PALLD: variants seen among roughly 807,000 people sequenced by gnomAD.
PALLD encodes palladin, cytoskeletal associated protein.
Under a neutral mutation model 123.5 loss-of-function variants are expected in PALLD, and 61 were observed. The ratio of observed to expected loss-of-function variants is 0.49; its 90% confidence interval spans 0.40 to 0.61. PALLD has a LOEUF of 0.61. PALLD is among the 20% of genes least tolerant of loss of function. PALLD has a pLI of 0.00. For missense variants in PALLD, 1,273 were observed against 1,377.0 expected (o/e 0.92, Z 1.20); for synonymous variants, 465 against 496.4 (o/e 0.94, Z 0.84).
chr4:168,601,005 A>C (rs1295635091), intron 2 of PALLD, among the ~76,000 whole-genome samples: 1 of 152,140 alleles, frequency 6.6e-6, no homozygotes, highest in Non-Finnish European at 1.5e-5. Flanking sequence ...TAATATTCTA[A>C]ATGATGCAAG....
chr4:168,728,248 C>T (rs1160635442), intron 10 of PALLD, among the ~76,000 whole-genome samples: 2 of 152,136 alleles, frequency 1.3e-5, no homozygotes, highest in East Asian at 1.9e-4. Flanking sequence ...TGAAGAATGA[C>T]ATTGGTACTT....
chr4:168,705,732 G>A (rs1366388100), intron 8 of PALLD, among the ~76,000 whole-genome samples: 1 of 152,108 alleles, frequency 6.6e-6, no homozygotes, highest in East Asian at 1.9e-4. Flanking sequence ...TGCCTCCCGG[G>A]TTCAAGCAAT....
At chr4:168,813,658 C>T (rs551442965) in intron 10 of PALLD, among the ~76,000 whole-genome samples, 1 of 152,276 alleles carries the variant, frequency 6.6e-6, no homozygotes, top group East Asian at 1.9e-4. Context: ...GGGGGTCTCA[C>T]TGTGTTGCCC....
chr4:168,540,130 C>G (rs1263011673), intron 2 of PALLD, among the ~76,000 whole-genome samples: 1 of 152,144 alleles, frequency 6.6e-6, no homozygotes, highest in Non-Finnish European at 1.5e-5. Context: ...CAAGTCATCC[C>G]AGTCTGTGCT....
intron 10 of PALLD, among the ~76,000 whole-genome samples, chr4:168,801,752 C>A (rs932621575): frequency 1.3e-5 from 2 of 152,132 alleles, no homozygotes; most frequent in African/African-American, 4.8e-5. Context: ...TGATTAACAC[C>A]CCGTCGTGCT....
At chr4:168,539,834 C>T (rs1216749369) in intron 2 of PALLD, among the ~76,000 whole-genome samples, 1 of 151,898 alleles carries the variant, frequency 6.6e-6, no homozygotes, top group East Asian at 1.9e-4. Flanking sequence ...CTTTTAGATT[C>T]AGGGGGTACA....
chr4:168,601,589 C>T (rs1772663940), intron 2 of PALLD, among the ~76,000 whole-genome samples: 1 of 151,984 alleles, frequency 6.6e-6, no homozygotes, highest in Admixed American at 6.6e-5. Flanking sequence ...TGAATAGATC[C>T]AACCCTCCGC....
chr4:168,914,108 A>C (rs1252464477), intron 16 of PALLD, 87 bp downstream of exon 16: 8 of 831,550 alleles, frequency 9.6e-6, no homozygotes, highest in Non-Finnish European at 1.6e-5. Flanking sequence ...ATATGACCAC[A>C]AAAGTAAACA....
At chr4:168,917,291 G>A (rs1390811663) in intron 17 of PALLD, among the ~76,000 whole-genome samples, 4 of 151,864 alleles carry the variant, frequency 2.6e-5, no homozygotes, top group African/African-American at 9.7e-5. Flanking sequence ...CTCGTGATCC[G>A]CCCTCCTCGG....
intron 1 of PALLD, among the ~76,000 whole-genome samples, chr4:168,510,238 G>A (rs1398829034): frequency 6.6e-6 from 1 of 152,150 alleles, no homozygotes; most frequent in Non-Finnish European, 1.5e-5. Context: ...ACAATATAAA[G>A]TTCAAAATGT....
Position 168,689,742 on chromosome 4 carries a change from C to G in PALLD, c.1336-861C>G, listed in dbSNP as rs185877889. On this transcript the variant is annotated intron_variant, in intron 6 of 21. Transcript: ENST00000505667. ...GAATTACAGATGTGAGCCACCACAC[C>G]TGGCCTAGATCCAATATTCTATAGT... Among the ~76,000 whole-genome samples, 34 of 152,202 alleles carry G rather than the reference C, an allele frequency of 2.2e-4. 1 individual carries two copies. Among genetic ancestry groups the G allele is most frequent in the Non-Finnish European group, 4.7e-4 (32 of 68,026 alleles).
chr4:168,576,628 T>C (rs547103705), intron 2 of PALLD, among the ~76,000 whole-genome samples: 11 of 152,302 alleles, frequency 7.2e-5, no homozygotes, highest in Admixed American at 5.9e-4. Context: ...CTTAATCCAG[T>C]CTATCATTGT....
intron 1 of PALLD, among the ~76,000 whole-genome samples, chr4:168,506,752 T>G (rs1414182257): frequency 6.6e-6 from 1 of 152,228 alleles, no homozygotes; most frequent in Admixed American, 6.5e-5. Flanking sequence ...AATATTTTCT[T>G]TCTTTCCTTC....
At position 168,724,097 on chromosome 4, in the gene PALLD, G is replaced by A. The variant is rs140844189; in HGVS notation, c.1964+12174G>A. Among the ~76,000 whole-genome samples, 124 of 152,190 alleles carry A rather than the reference G, an allele frequency of 8.1e-4. 1 individual carries two copies. The East Asian group carries it at 0.02, about 25-fold the overall frequency. ...TCTAGTAGAGACAGGGTTTCACCAC[G>A]TTGACCAGGATGGTCTTGATCTCTT... On this transcript the variant is annotated intron_variant, in intron 10 of 21. Transcript: ENST00000505667.
At chr4:168,842,321 G>A (rs866566076) in intron 10 of PALLD, among the ~76,000 whole-genome samples, 2 of 152,240 alleles carry the variant, frequency 1.3e-5, no homozygotes, top group African/African-American at 4.8e-5. Flanking sequence ...TCTGATTAAA[G>A]GTGGAACTCT....
intron 10 of PALLD, among the ~76,000 whole-genome samples, chr4:168,826,208 A>T (rs993598574): frequency 1.3e-5 from 2 of 152,164 alleles, no homozygotes; most frequent in African/African-American, 4.8e-5. Context: ...GTCAGATTCT[A>T]CTGTGGATCA....
chr4:168,797,832 C>T (rs1411347758), intron 10 of PALLD, among the ~76,000 whole-genome samples: 2 of 151,472 alleles, frequency 1.3e-5, no homozygotes, highest in Admixed American at 1.3e-4. Context: ...CTCAACCCCA[C>T]CCCCACCACC....
At chr4:168,874,244 T>C (rs1751448464) in intron 10 of PALLD, among the ~76,000 whole-genome samples, 1 of 152,230 alleles carries the variant, frequency 6.6e-6, no homozygotes, top group Non-Finnish European at 1.5e-5. Context: ...TTTTGTCATG[T>C]ACCATTCTGC....
rs1369146690 is a variant in PALLD, at chr4:168,589,764, C to A, written c.908+77352C>A. On this transcript the variant is annotated intron_variant, in intron 2 of 21. Coordinates refer to ENST00000505667, the MANE Select transcript of PALLD (RefSeq NM_001166108.2). The stretch of plus-strand genomic sequence containing the variant: ...TCACTCGCAACTGAAAGAATCAAGC[C>A]TAATGGACTTTTCTGCCCAGTGCCA... Among the ~76,000 whole-genome samples, 6 of 152,272 alleles carry A rather than the reference C, an allele frequency of 3.9e-5. No homozygotes were observed. The East Asian group carries it at 9.7e-4, about 25-fold the overall frequency.
Sources: allele counts gnomAD v4.1 joint callset (sites outside exome capture counted in the v4.1 genomes callset), GRCh38; gene constraint gnomAD v4.1.1; transcripts MANE v1.5; gene names NCBI Gene and HGNC (gene_info 2026-07-23, HGNC 2026-07-21).